The following C12orf42 variants were observed in gnomAD, a reference collection of about 807,000 sequenced individuals.
C12orf42 encodes chromosome 12 open reading frame 42.
C12orf42 carries 25 observed loss-of-function variants against 21.6 expected under a neutral mutation model. The observed-to-expected ratio is 1.16, with a 90% CI of 0.84 to 1.62. The LOEUF (loss-of-function observed/expected upper bound fraction) is 1.62. C12orf42 is among the 40% of genes most tolerant of loss of function. The pLI, the probability that C12orf42 is intolerant of heterozygous loss-of-function variation, is 0.00. For synonymous variants in C12orf42, 174 were observed against 175.0 expected, an observed-to-expected ratio of 0.99 and a Z score of 0.05; for missense variants, 483 against 459.3, an observed-to-expected ratio of 1.05 and a Z score of -0.47.
At chr12:103,238,329 A>G (rs1326997059) in intron 10 of C12orf42, among the ~76,000 whole-genome samples, 1 of 152,032 alleles carries the variant, frequency 6.6e-6, no homozygotes, top group African/African-American at 2.4e-5. Context: ...CTAAAATACT[A>G]TGATTCTTTA....
At chr12:103,072,780 G>A in the C12orf42 span, among the ~76,000 whole-genome samples, 1 of 152,004 alleles carries the variant, frequency 6.6e-6, no homozygotes, top group African/African-American at 2.4e-5. Flanking sequence ...GTTGTTTTTT[G>A]ACTTTTTAAT....
the C12orf42 span, chr12:103,161,494 A>C: frequency 6.6e-6 from 1 of 152,176 alleles, no homozygotes; most frequent in Admixed American, 6.5e-5. Context: ...TGCAGAAAAA[A>C]ACCTGTTCAG....
At chr12:103,422,397 C>T (rs544427961) in intron 2 of C12orf42, among the ~76,000 whole-genome samples, 7 of 152,252 alleles carry the variant, frequency 4.6e-5, no homozygotes, top group South Asian at 2.1e-4. Flanking sequence ...CACAAGGTAA[C>T]GACTCTGGCC....
the C12orf42 span, among the ~76,000 whole-genome samples, chr12:103,069,849 T>G: frequency 6.6e-6 from 1 of 152,126 alleles, no homozygotes; most frequent in Non-Finnish European, 1.5e-5. Flanking sequence ...TCCAGAGAGG[T>G]CTCACCATGT....
intron 2 of C12orf42, among the ~76,000 whole-genome samples, chr12:103,407,754 A>T (rs1004484531): frequency 6.6e-6 from 1 of 152,158 alleles, no homozygotes; most frequent in African/African-American, 2.4e-5. Flanking sequence ...GGTCAACTAC[A>T]ATTCATCCCA....
chr12:103,452,454 A>G (rs1952010184), intron 2 of C12orf42, among the ~76,000 whole-genome samples: 2 of 152,190 alleles, frequency 1.3e-5, no homozygotes, highest in African/African-American at 4.8e-5. Context: ...CTACAAAGTC[A>G]TATGGCAAAT....
intron 5 of C12orf42, among the ~76,000 whole-genome samples, chr12:103,276,544 C>T (rs576100484): frequency 3.3e-5 from 5 of 152,286 alleles, no homozygotes; most frequent in African/African-American, 1.2e-4. Flanking sequence ...TGCCATTGTG[C>T]TTTTTCCTCT....
intron 3 of C12orf42, among the ~76,000 whole-genome samples, chr12:103,389,007 A>T (rs1165067641): frequency 6.6e-6 from 1 of 152,216 alleles, no homozygotes; most frequent in African/African-American, 2.4e-5. Context: ...AGTTTAGCCC[A>T]TGGTCCAAAT....
chr12:103,325,488 A>T (rs1218842414), intron 4 of C12orf42, among the ~76,000 whole-genome samples: 1 of 152,254 alleles, frequency 6.6e-6, no homozygotes, highest in Non-Finnish European at 1.5e-5. Context: ...TTTAGAAGGT[A>T]GCAAGTACGG....
At chr12:103,066,408 C>G in the C12orf42 span, among the ~76,000 whole-genome samples, 1 of 152,168 alleles carries the variant, frequency 6.6e-6, no homozygotes, top group African/African-American at 2.4e-5. Flanking sequence ...TTATCTCCCC[C>G]ATCCTGCACC....
intron 5 of C12orf42, among the ~76,000 whole-genome samples, chr12:103,276,120 A>C (rs1160049082): frequency 6.6e-6 from 1 of 152,188 alleles, no homozygotes; most frequent in African/African-American, 2.4e-5. Flanking sequence ...TAAAAAAGAA[A>C]AATTGCATAG....
chr12:103,429,760 AC>A (rs1950124595), intron 2 of C12orf42, among the ~76,000 whole-genome samples: 1 of 152,234 alleles, frequency 6.6e-6, no homozygotes, highest in African/African-American at 2.4e-5. Flanking sequence ...TAGTACTGGT[AC>A]AAAAACAGAT....
Position 103,408,821 on chromosome 12 carries a change from A to T in C12orf42, c.79-7146T>A, listed in dbSNP as rs180865050. Among the ~76,000 whole-genome samples the T allele has an allele frequency of 8.9e-3, 1,354 of 152,332 alleles. 14 individuals are homozygous for T. The highest frequency in any genetic ancestry group is 0.015 in the Non-Finnish European group (1,025 of 68,010). ...TTAACTGTCTCCTAGGTAAAAGCAC[A>T]AAAGTGCATCTGCTGGTAACTCTTC... On this transcript the variant is annotated intron_variant, in intron 2 of 5. Transcript: ENST00000548883.
At position 103,243,046 on chromosome 12, in the gene C12orf42, T is replaced by C. The variant is rs560773258; in HGVS notation, c.*1367-5144A>G. 3.3e-4 allele frequency among the ~76,000 whole-genome samples: 50 copies of C among 152,190 alleles called. 1 individual carries two copies. The South Asian group carries it at 0.01, about 32-fold the overall frequency. Reference sequence around the variant, plus strand: ...GTTATGGGAAATTTTTTTTAAGAGATAGGGTCTCACTCTGTTGTTTAGGCT... The same window carrying C: ...GTTATGGGAAATTTTTTTTAAGAGACAGGGTCTCACTCTGTTGTTTAGGCT... On this transcript the variant is annotated intron_variant and NMD_transcript_variant, in intron 10 of 10. Coordinates refer to the C12orf42 transcript ENST00000547347.
chr12:103,552,302 T>C, the C12orf42 span, among the ~76,000 whole-genome samples: 5 of 152,202 alleles, frequency 3.3e-5, no homozygotes, highest in Admixed American at 6.5e-5. Flanking sequence ...GTGGCTCTAT[T>C]TCCCCCGTTA....
At chr12:103,218,931 T>G in the C12orf42 span, among the ~76,000 whole-genome samples, 6 of 152,332 alleles carry the variant, frequency 3.9e-5, no homozygotes, top group African/African-American at 1.2e-4. Context: ...GTAGAAGAGA[T>G]TCCCTCAGGT....
At chr12:103,329,054 G>A (rs1021608251) in intron 4 of C12orf42, among the ~76,000 whole-genome samples, 1 of 152,090 alleles carries the variant, frequency 6.6e-6, no homozygotes, top group African/African-American at 2.4e-5. Flanking sequence ...ATAAGCGCAG[G>A]GATGCAGGCA....
intron 3 of C12orf42, chr12:103,397,674 T>C (rs2047650990): frequency 6.6e-6 from 1 of 152,188 alleles, no homozygotes; most frequent in Non-Finnish European, 1.5e-5. Flanking sequence ...CTTCATTGAG[T>C]ACACAGTCTC....
chr12:103,081,503 T>G, the C12orf42 span: 1 of 152,164 alleles, frequency 6.6e-6, no homozygotes, highest in Non-Finnish European at 1.5e-5. Context: ...GGTTTATTAT[T>G]TTTTGTTAAG....
Sources: gnomAD v4.1 joint callset for allele counts (sites outside exome capture counted in the v4.1 genomes callset) on GRCh38, gnomAD v4.1.1 for gene constraint, MANE v1.5 for transcripts, NCBI Gene and HGNC (gene_info 2026-07-23, HGNC 2026-07-21) for gene names.